Variants in SDK1 observed in about 807,000 individuals in gnomAD.
The protein encoded by SDK1 is protein sidekick-1.
A neutral mutation model predicts 245.5 loss-of-function variants in SDK1; 157 were observed. That is an observed-to-expected ratio of 0.64 (90% CI 0.56 to 0.73). The LOEUF (loss-of-function observed/expected upper bound fraction) is 0.73. Ranked by LOEUF, SDK1 falls within the 30% of genes least tolerant of loss-of-function variation. The pLI is 0.00. For synonymous variants in SDK1, 1,647 were observed against 1,278.5 expected (o/e 1.29, Z -6.15); for missense variants, 3,583 against 3,002.3 (o/e 1.19, Z -4.52).
chr7:3,530,442 T>C (rs563420669), intron 1 of SDK1, among the ~76,000 whole-genome samples: 2 of 152,330 alleles, frequency 1.3e-5, no homozygotes, highest in Admixed American at 6.5e-5. Flanking sequence ...TTGTCTTTTG[T>C]AATGTTATTA....
intron 30 of SDK1, among the ~76,000 whole-genome samples, chr7:4,156,855 G>T (rs1780768009): frequency 6.6e-6 from 1 of 152,174 alleles, no homozygotes; most frequent in African/African-American, 2.4e-5. Context: ...ATTCCATTGG[G>T]AGTGAGGACA....
At chr7:3,768,985 C>A (rs577173688) in intron 4 of SDK1, among the ~76,000 whole-genome samples, 9 of 152,108 alleles carry the variant, frequency 5.9e-5, no homozygotes, top group Admixed American at 1.3e-4. Context: ...ATAGGTGTGC[C>A]GGGTGACATC....
chr7:3,902,171 C>G (rs1781813021), intron 5 of SDK1, among the ~76,000 whole-genome samples: 1 of 152,132 alleles, frequency 6.6e-6, no homozygotes, highest in African/African-American at 2.4e-5. Flanking sequence ...TACTCCCAGA[C>G]TCTTCAGTGG....
intron 4 of SDK1, among the ~76,000 whole-genome samples, chr7:3,757,409 T>C (rs976432110): frequency 8.5e-5 from 13 of 152,080 alleles, no homozygotes; most frequent in African/African-American, 3.1e-4. Flanking sequence ...TTATTTAAAA[T>C]TATTTTTAAT....
chr7:3,793,920 C>G (rs1420197541), intron 4 of SDK1, among the ~76,000 whole-genome samples: 1 of 152,150 alleles, frequency 6.6e-6, no homozygotes, highest in African/African-American at 2.4e-5. Context: ...AGGGTGCTCC[C>G]TGCCCTGTTC....
intron 4 of SDK1, among the ~76,000 whole-genome samples, chr7:3,700,353 T>G (rs914410515): frequency 6.6e-6 from 1 of 152,210 alleles, no homozygotes; most frequent in African/African-American, 2.4e-5. Flanking sequence ...TGTTGGTTGA[T>G]GTAAAAAGTA....
chr7:3,662,658 T>G (rs1332821968), intron 4 of SDK1, among the ~76,000 whole-genome samples: 1 of 152,190 alleles, frequency 6.6e-6, no homozygotes, highest in Non-Finnish European at 1.5e-5. Flanking sequence ...CAACAGATGT[T>G]TCGGGTTCTT....
intron 8 of SDK1, among the ~76,000 whole-genome samples, chr7:3,960,677 G>A (rs1270320200): frequency 6.6e-6 from 1 of 152,160 alleles, no homozygotes; most frequent in Non-Finnish European, 1.5e-5. Context: ...CCAGCTCACA[G>A]CGGCTGCTGT....
At chr7:3,756,307 C>G (rs1340726743) in intron 4 of SDK1, among the ~76,000 whole-genome samples, 1 of 151,258 alleles carries the variant, frequency 6.6e-6, no homozygotes, top group Non-Finnish European at 1.5e-5. Flanking sequence ...GACCCTGACT[C>G]CTTTCACATG....
At chr7:3,917,283 CT>C (rs1226116117) in intron 5 of SDK1, among the ~76,000 whole-genome samples, 3 of 152,170 alleles carry the variant, frequency 2.0e-5, no homozygotes, top group African/African-American at 7.2e-5. Flanking sequence ...TCATTATGCA[CT>C]TAGCTAATAT....
chr7:3,444,619 A>G (rs76679691), intron 1 of SDK1, among the ~76,000 whole-genome samples: 1,654 of 152,270 alleles, frequency 0.011, 39 homozygotes, highest in African/African-American at 0.038. Context: ...TTCGCCTTAG[A>G]TGGCCCCACC....
intron 1 of SDK1, among the ~76,000 whole-genome samples, chr7:3,479,238 G>A (rs1328607513): frequency 6.6e-6 from 1 of 150,786 alleles, no homozygotes; most frequent in African/African-American, 2.4e-5. Context: ...CCTGGCCAAC[G>A]TGGCAAAACC....
At chr7:3,966,481 G>T (rs1030142326) in intron 9 of SDK1, among the ~76,000 whole-genome samples, 6 of 151,998 alleles carry the variant, frequency 3.9e-5, no homozygotes, top group Non-Finnish European at 7.4e-5. Flanking sequence ...GTCTTTCCTC[G>T]GTCTGACTCA....
chr7:3,404,389 C>T (rs12539802), intron 1 of SDK1, among the ~76,000 whole-genome samples: 1,578 of 152,110 alleles, frequency 0.01, 21 homozygotes, highest in Admixed American at 0.043. Flanking sequence ...AATAATTTAC[C>T]TCTTTTTTGT....
intron 4 of SDK1, among the ~76,000 whole-genome samples, chr7:3,744,577 C>T (rs576453981): frequency 2.6e-5 from 4 of 152,114 alleles, no homozygotes; most frequent in African/African-American, 7.2e-5. Flanking sequence ...TTTGGGAGGC[C>T]GAGATGGGCA....
intron 3 of SDK1, among the ~76,000 whole-genome samples, chr7:3,640,105 CTCCA>C (rs72373939): frequency 0.37 from 55,716 of 151,892 alleles, 11,388 homozygotes; most frequent in African/African-American, 0.55. Context: ...GATCCTCCTG[CTCCA>C]TCCAGCCTTC....
intron 27 of SDK1, among the ~76,000 whole-genome samples, chr7:4,131,252 G>A (rs1295431060): frequency 1.3e-5 from 2 of 152,206 alleles, no homozygotes; most frequent in African/African-American, 4.8e-5. Context: ...GAATGCCGCT[G>A]CTTCCTCTCC....
At chr7:3,342,749 C>T (rs1257921835) in intron 1 of SDK1, among the ~76,000 whole-genome samples, 1 of 152,042 alleles carries the variant, frequency 6.6e-6, no homozygotes, top group Non-Finnish European at 1.5e-5. Flanking sequence ...GATGGAAAGA[C>T]AAGGTACATA....
chr7:4,116,611 C>T (rs569427517), intron 25 of SDK1, among the ~76,000 whole-genome samples: 1 of 152,378 alleles, frequency 6.6e-6, no homozygotes, highest in Non-Finnish European at 1.5e-5. Flanking sequence ...TTCCTCAATG[C>T]TGGTTAACTT....
Sources: gnomAD v4.1 joint callset for allele counts (sites outside exome capture counted in the v4.1 genomes callset) on GRCh38, gnomAD v4.1.1 for gene constraint, MANE v1.5 for transcripts, NCBI Gene and HGNC (gene_info 2026-07-23, HGNC 2026-07-21) for gene names.